The following GPATCH2 variants were observed in gnomAD, a reference collection of about 807,000 sequenced individuals.
The protein encoded by GPATCH2 is G patch domain-containing protein 2.
In GPATCH2, 51 loss-of-function variants were observed where a neutral mutation model predicts 58.0. The observed-to-expected ratio is 0.88, with a 90% CI of 0.70 to 1.11. The LOEUF is 1.11. Among genes scored for constraint, GPATCH2 ranks in the 50% most tolerant of loss-of-function variants. The pLI, the probability that GPATCH2 is intolerant of heterozygous loss-of-function variation, is 0.00. For missense variants in GPATCH2, 625 were observed against 652.2 expected, an observed-to-expected ratio of 0.96 and a Z score of 0.45; for synonymous variants, 222 against 218.5, an observed-to-expected ratio of 1.02 and a Z score of -0.14.
chr1:217,587,898 A>T (rs1667415275), intron 5 of GPATCH2, among the ~76,000 whole-genome samples: 1 of 152,170 alleles, frequency 6.6e-6, no homozygotes, highest in Admixed American at 6.5e-5. Flanking sequence ...AAAAGCATAA[A>T]ACTAGTAAAT....
intron 8 of GPATCH2, among the ~76,000 whole-genome samples, chr1:217,479,019 A>G (rs1661096236): frequency 6.6e-6 from 1 of 152,138 alleles, no homozygotes; most frequent in African/African-American, 2.4e-5. Context: ...ACTCTAGAAT[A>G]GTTTATCTGG....
chr1:217,609,397 T>A, intron 5 of GPATCH2: 1 of 984,192 alleles, frequency 1.0e-6, no homozygotes, highest in African/African-American at 1.7e-5. Context: ...AAAATAATAA[T>A]TTTGATGTGT....
intron 6 of GPATCH2, among the ~76,000 whole-genome samples, chr1:217,513,961 A>C (rs962636718): frequency 4.6e-5 from 7 of 151,412 alleles, no homozygotes. Context: ...AGTAGCTGGG[A>C]CTACAGGCAT....
chr1:217,500,251 TA>T (rs1230052008), intron 6 of GPATCH2, among the ~76,000 whole-genome samples: 2 of 152,074 alleles, frequency 1.3e-5, no homozygotes, highest in Non-Finnish European at 2.9e-5. Context: ...TTTCAAATAT[TA>T]AAAAATATCT....
At chr1:217,559,503 C>T (rs927099419) in intron 5 of GPATCH2, among the ~76,000 whole-genome samples, 24 of 152,286 alleles carry the variant, frequency 1.6e-4, no homozygotes, top group Admixed American at 1.2e-3. Flanking sequence ...ACCTTGCCCT[C>T]TTCTCTCCAT....
intron 1 of GPATCH2, among the ~76,000 whole-genome samples, chr1:217,626,825 A>T (rs1446502956): frequency 6.6e-6 from 1 of 152,032 alleles, no homozygotes; most frequent in South Asian, 2.1e-4. Context: ...AAAATCCTTG[A>T]CTCACCTATT....
chr1:217,548,465 C>T (rs1442333642), intron 5 of GPATCH2, among the ~76,000 whole-genome samples: 1 of 152,202 alleles, frequency 6.6e-6, no homozygotes, highest in East Asian at 1.9e-4. Context: ...ACCTGCTTCT[C>T]TCAATCTTCG....
chr1:217,531,542 C>T (rs1664189297), intron 5 of GPATCH2, among the ~76,000 whole-genome samples: 1 of 151,934 alleles, frequency 6.6e-6, no homozygotes, highest in South Asian at 2.1e-4. Flanking sequence ...TGAAATAGTA[C>T]ACAAAAAAAA....
intron 5 of GPATCH2, among the ~76,000 whole-genome samples, chr1:217,578,541 T>C (rs553011432): frequency 6.6e-6 from 1 of 152,344 alleles, no homozygotes; most frequent in African/African-American, 2.4e-5. Flanking sequence ...CGTCAGCCTC[T>C]GTGCTTGGTC....
At chr1:217,587,322 CT>C (rs1267334477) in intron 5 of GPATCH2, among the ~76,000 whole-genome samples, 8 of 152,204 alleles carry the variant, frequency 5.3e-5, no homozygotes, top group Non-Finnish European at 8.8e-5. Context: ...ACTTAAATGG[CT>C]TTAATTTGGT....
chr1:217,464,807 TC>T (rs1660366407), intron 8 of GPATCH2, among the ~76,000 whole-genome samples: 1 of 152,154 alleles, frequency 6.6e-6, no homozygotes, highest in Admixed American at 6.5e-5. Flanking sequence ...GTCTCATGTC[TC>T]CTTCTTAAAA....
intron 7 of GPATCH2, among the ~76,000 whole-genome samples, chr1:217,493,409 T>C (rs1217535115): frequency 6.6e-6 from 1 of 152,136 alleles, no homozygotes; most frequent in Non-Finnish European, 1.5e-5. Flanking sequence ...TTGGGGTATG[T>C]ACCATGCTGT....
rs1669739331 is a variant in GPATCH2, at chr1:217,631,057, T to C, written c.-86A>G. The C allele has an allele frequency of 2.3e-6, 3 of 1,309,990 alleles. No homozygotes were observed. The highest frequency in any genetic ancestry group is 1.8e-4 in the Middle Eastern group (1 of 5,476). The allele number at this position is 1,309,990 out of a possible 1,614,324, so 81.1% of individuals were successfully genotyped here. ...AGCACCGGCGACTTCCAAAGAGCAGTTCAGCATTTTGAGATGAGCTTCCGG... is the reference window on the plus strand; with the variant it reads ...AGCACCGGCGACTTCCAAAGAGCAGCTCAGCATTTTGAGATGAGCTTCCGG... On this transcript the variant is annotated 5_prime_UTR_variant, in exon 1 of 10. Coordinates refer to ENST00000366935, the MANE Select transcript of GPATCH2 (RefSeq NM_018040.5).
intron 8 of GPATCH2, among the ~76,000 whole-genome samples, chr1:217,481,105 G>A (rs1234780688): frequency 2.0e-5 from 3 of 152,076 alleles, no homozygotes; most frequent in Non-Finnish European, 4.4e-5. Flanking sequence ...AGGACAACAA[G>A]TGACTATAGT....
At chr1:217,602,078 T>C (rs1219475367) in intron 5 of GPATCH2, among the ~76,000 whole-genome samples, 1 of 152,184 alleles carries the variant, frequency 6.6e-6, no homozygotes, top group African/African-American at 2.4e-5. Context: ...CCTCCTGATA[T>C]AGTCTTAACT....
At chr1:217,600,061 T>G (rs1024510430) in intron 5 of GPATCH2, among the ~76,000 whole-genome samples, 7 of 152,170 alleles carry the variant, frequency 4.6e-5, no homozygotes, top group Non-Finnish European at 4.4e-5. Flanking sequence ...CAGAATTGTA[T>G]GGACCTGGAA....
intron 9 of GPATCH2, among the ~76,000 whole-genome samples, chr1:217,448,263 A>G (rs1392802365): frequency 1.3e-5 from 2 of 152,138 alleles, no homozygotes; most frequent in African/African-American, 4.8e-5. Flanking sequence ...ATAGTCTATA[A>G]TTAAAATCAC....
intron 8 of GPATCH2, among the ~76,000 whole-genome samples, chr1:217,471,510 C>A (rs983493054): frequency 2.6e-5 from 4 of 152,136 alleles, no homozygotes; most frequent in Non-Finnish European, 5.9e-5. Flanking sequence ...CCTTAAACAT[C>A]TTTGGATCTT....
intron 5 of GPATCH2, among the ~76,000 whole-genome samples, chr1:217,581,617 C>G (rs10779297): frequency 0.5 from 76,478 of 151,996 alleles, 20,054 homozygotes; most frequent in East Asian, 0.92. Context: ...AAACCTAGGT[C>G]TGCCCAGCTC....
Sources: gnomAD v4.1 joint callset for allele counts (sites outside exome capture counted in the v4.1 genomes callset) on GRCh38, gnomAD v4.1.1 for gene constraint, MANE v1.5 for transcripts, NCBI Gene and HGNC (gene_info 2026-07-23, HGNC 2026-07-21) for gene names.